Variants in ADAMTSL3 observed in about 807,000 individuals in gnomAD.
The protein encoded by ADAMTSL3 is ADAMTS like 3.
Under a neutral mutation model 201.7 loss-of-function variants are expected in ADAMTSL3, and 128 were observed. The ratio of observed to expected loss-of-function variants is 0.63; its 90% confidence interval spans 0.55 to 0.73. The LOEUF (loss-of-function observed/expected upper bound fraction) is 0.73. Ranked by LOEUF, ADAMTSL3 falls within the 30% of genes least tolerant of loss-of-function variation. ADAMTSL3 has a pLI of 0.00. For missense variants in ADAMTSL3, 1,990 were observed against 2,119.6 expected (o/e 0.94, Z 1.20); for synonymous variants, 738 against 748.4 (o/e 0.99, Z 0.23).
chr15:83,902,990 C>T (rs910796846), intron 15 of ADAMTSL3, among the ~76,000 whole-genome samples: 1 of 152,158 alleles, frequency 6.6e-6, no homozygotes, highest in Non-Finnish European at 1.5e-5. Context: ...AAACCATCAC[C>T]ACTGCCACTA....
At chr15:83,792,117 G>A (rs28781400) in intron 4 of ADAMTSL3, among the ~76,000 whole-genome samples, 72,896 of 151,862 alleles carry the variant, frequency 0.48, 18,446 homozygotes, top group East Asian at 0.74. Context: ...TGCAAGCTAT[G>A]CATCTGCCAT....
In ADAMTSL3 at chr15:83,840,725, T is replaced by G. The variant is rs145935930; in HGVS notation, c.727+2510T>G. Reference sequence around the variant, plus strand: ...ATGAATTCATGGAGGTTCCAATTTTTGGACTTCATGAAGGAGGTGGCTTTG... The same window carrying G: ...ATGAATTCATGGAGGTTCCAATTTTGGGACTTCATGAAGGAGGTGGCTTTG... On this transcript the variant is annotated intron_variant, in intron 7 of 29. Coordinates refer to ENST00000286744, the MANE Select transcript of ADAMTSL3 (RefSeq NM_207517.3). Among the ~76,000 whole-genome samples the G allele has an allele frequency of 8.2e-3, 1,242 of 152,332 alleles. 12 individuals carry two copies. Among genetic ancestry groups the G allele is most frequent in the African/African-American group, 0.029 (1,191 of 41,558 alleles).
At chr15:83,987,089 T>C (rs1478372516) in intron 21 of ADAMTSL3, among the ~76,000 whole-genome samples, 1 of 152,250 alleles carries the variant, frequency 6.6e-6, no homozygotes, top group African/African-American at 2.4e-5. Flanking sequence ...AACATATATA[T>C]GAAATAATTT....
intron 20 of ADAMTSL3, among the ~76,000 whole-genome samples, chr15:83,975,754 G>T (rs1235692057): frequency 6.6e-6 from 1 of 152,132 alleles, no homozygotes; most frequent in Non-Finnish European, 1.5e-5. Flanking sequence ...GTGTCAAATG[G>T]AGTGGTAAGT....
At chr15:83,954,201 A>G (rs2066810326) in intron 19 of ADAMTSL3, among the ~76,000 whole-genome samples, 2 of 152,140 alleles carry the variant, frequency 1.3e-5, no homozygotes, top group Admixed American at 1.3e-4. Flanking sequence ...TAAATCTTGT[A>G]GGCATGCTTC....
intron 2 of ADAMTSL3, among the ~76,000 whole-genome samples, chr15:83,669,634 A>AT (rs1282564233): frequency 7.1e-6 from 1 of 141,778 alleles, no homozygotes; most frequent in Non-Finnish European, 1.5e-5. Flanking sequence ...CGCCCGGCTA[A>AT]TTTTTTTGTA....
At chr15:83,788,635 A>T (rs1221043982) in intron 4 of ADAMTSL3, among the ~76,000 whole-genome samples, 2 of 152,088 alleles carry the variant, frequency 1.3e-5, no homozygotes, top group Admixed American at 1.3e-4. Flanking sequence ...GTAGAAACAT[A>T]CATTTTCCCC....
chr15:83,970,925 A>C (rs2067184634), intron 20 of ADAMTSL3, among the ~76,000 whole-genome samples: 1 of 152,232 alleles, frequency 6.6e-6, no homozygotes, highest in East Asian at 1.9e-4. Flanking sequence ...CTTAGAGTTC[A>C]GGAGTGTTCC....
At chr15:83,944,995 T>G (rs1335477083) in intron 19 of ADAMTSL3, among the ~76,000 whole-genome samples, 1 of 152,176 alleles carries the variant, frequency 6.6e-6, no homozygotes, top group Non-Finnish European at 1.5e-5. Flanking sequence ...AACCGTGTAG[T>G]TTTGTTAAGT....
chr15:83,849,097 A>G (rs996834617), intron 7 of ADAMTSL3, among the ~76,000 whole-genome samples: 6 of 152,198 alleles, frequency 3.9e-5, no homozygotes, highest in African/African-American at 1.2e-4. Flanking sequence ...TAGCGACACC[A>G]TAAGATGGGA....
chr15:83,922,817 C>T (rs2066170967), intron 16 of ADAMTSL3, among the ~76,000 whole-genome samples: 1 of 152,128 alleles, frequency 6.6e-6, no homozygotes, highest in South Asian at 2.1e-4. Context: ...TGAAACATGG[C>T]ATTTGAAAAA....
intron 20 of ADAMTSL3, among the ~76,000 whole-genome samples, chr15:83,976,143 G>A (rs772887197): frequency 1.3e-5 from 2 of 152,182 alleles, no homozygotes; most frequent in Non-Finnish European, 2.9e-5. Flanking sequence ...AGCTGGCTTC[G>A]GTAGTAGGGT....
intron 3 of ADAMTSL3, among the ~76,000 whole-genome samples, chr15:83,704,903 T>C (rs2141506555): frequency 6.6e-6 from 1 of 152,266 alleles, no homozygotes; most frequent in South Asian, 2.1e-4. Flanking sequence ...CATGCTTTTT[T>C]CCCCAAGATT....
chr15:83,770,359 T>C (rs2062960836), intron 3 of ADAMTSL3, among the ~76,000 whole-genome samples: 1 of 152,238 alleles, frequency 6.6e-6, no homozygotes, highest in South Asian at 2.1e-4. Flanking sequence ...GAAGTTCATT[T>C]CCTGTCTTTT....
chr15:84,027,824 T>A (rs1204002590), intron 27 of ADAMTSL3, among the ~76,000 whole-genome samples: 1 of 152,014 alleles, frequency 6.6e-6, no homozygotes, highest in Non-Finnish European at 1.5e-5. Context: ...ACAACCCAAA[T>A]AACAACACCC....
intron 4 of ADAMTSL3, among the ~76,000 whole-genome samples, chr15:83,776,334 G>A (rs905174251): frequency 6.6e-6 from 1 of 152,176 alleles, no homozygotes; most frequent in African/African-American, 2.4e-5. Flanking sequence ...TTTAACTCCA[G>A]TGAATTAAAC....
At chr15:83,837,357 A>G (rs1451486916) in intron 6 of ADAMTSL3, among the ~76,000 whole-genome samples, 1 of 152,114 alleles carries the variant, frequency 6.6e-6, no homozygotes, top group Non-Finnish European at 1.5e-5. Flanking sequence ...TTTAAAGTAA[A>G]ACTATGAACC....
chr15:83,748,821 A>G lies in ADAMTSL3; in HGVS notation c.190-24702A>G, dbSNP rs78739304. ...ATAAGTGAACTGATCTATATTTGCT[A>G]CAGGACTTGTAAAGAGGAGTGGCCT... On this transcript the variant is annotated intron_variant, in intron 3 of 29. Transcript: ENST00000286744. Among the ~76,000 whole-genome samples the G allele has an allele frequency of 7.2e-3, 1,090 of 152,268 alleles. 13 individuals are homozygous for G. Among genetic ancestry groups the G allele is most frequent in the African/African-American group, 0.024 (991 of 41,528 alleles).
chr15:83,742,938 C>T (rs964140102), intron 3 of ADAMTSL3, among the ~76,000 whole-genome samples: 1 of 152,176 alleles, frequency 6.6e-6, no homozygotes, highest in African/African-American at 2.4e-5. Context: ...TTTTCTCTCT[C>T]ATTGTTTTAA....
Sources: gnomAD v4.1 joint callset for allele counts (sites outside exome capture counted in the v4.1 genomes callset) on GRCh38, gnomAD v4.1.1 for gene constraint, MANE v1.5 for transcripts, NCBI Gene and HGNC (gene_info 2026-07-23, HGNC 2026-07-21) for gene names.